HEPH: variants seen among roughly 807,000 people sequenced by gnomAD.
The protein encoded by HEPH is hephaestin.
A neutral mutation model predicts 80.8 loss-of-function variants in HEPH; 69 were observed. The observed-to-expected ratio is 0.85, with a 90% CI of 0.70 to 1.04. The LOEUF (loss-of-function observed/expected upper bound fraction) is 1.04. HEPH is among the 50% of genes least tolerant of loss of function. The probability of loss-of-function intolerance (pLI) is 0.00; values close to 1 mark genes in which losing one functional copy is unlikely to be tolerated. For synonymous variants in HEPH, 431 were observed against 322.8 expected (o/e 1.34, Z -3.60); for missense variants, 1,115 against 891.3 (o/e 1.25, Z -3.20).
chrX:66,257,462 G>A (rs977815627), intron 17 of HEPH, among the ~76,000 whole-genome samples: 2 of 112,022 alleles, frequency 1.8e-5, no homozygotes, highest in African/African-American at 6.5e-5. Context: ...AACCAACTGA[G>A]AAAGAGAGAT....
At chrX:66,265,738 G>A (rs1428180517) in intron 20 of HEPH, among the ~76,000 whole-genome samples, 2 of 111,800 alleles carry the variant, frequency 1.8e-5, no homozygotes, top group Non-Finnish European at 3.8e-5. Context: ...AGCCTGAAAG[G>A]GGATCACTTT....
At chrX:66,214,485 C>T (rs2089296182) in intron 15 of HEPH, among the ~76,000 whole-genome samples, 1 of 111,430 alleles carries the variant, frequency 9.0e-6, no homozygotes, top group Non-Finnish European at 1.9e-5. Flanking sequence ...ATTTGTTGAA[C>T]AGAAATCCTT....
intron 14 of HEPH, 142 bp downstream of exon 14, chrX:66,207,476 C>G (rs186940056): frequency 2.3e-6 from 1 of 428,038 alleles, no homozygotes; most frequent in Non-Finnish European, 3.6e-6. Context: ...TTTTATGAAA[C>G]AACCATGACA....
chrX:66,203,280 G>A, intron 12 of HEPH, 84 bp from the exon 13 acceptor site: 1 of 792,720 alleles, frequency 1.3e-6, no homozygotes, highest in East Asian at 3.2e-5. Context: ...CTTTTCTGCA[G>A]TATGCCTAGG....
chrX:66,195,704 G>A (rs1410329177), intron 9 of HEPH, among the ~76,000 whole-genome samples: 1 of 110,592 alleles, frequency 9.0e-6, no homozygotes, highest in African/African-American at 3.3e-5. Flanking sequence ...TTTATCTCAA[G>A]GATTTGTCGA....
At chrX:66,265,272 T>G (rs181805326) in intron 20 of HEPH, among the ~76,000 whole-genome samples, 1 of 110,907 alleles carries the variant, frequency 9.0e-6, no homozygotes, top group East Asian at 2.8e-4. Flanking sequence ...AAGTAAGACA[T>G]AGCCGCTATT....
chrX:66,236,079 C>T (rs1403398913), intron 15 of HEPH, among the ~76,000 whole-genome samples: 1 of 111,659 alleles, frequency 9.0e-6, no homozygotes, highest in Non-Finnish European at 1.9e-5. Context: ...TTCCTCTCTT[C>T]CTATTCATAT....
At chrX:66,248,277 A>AT (rs1259579626) in intron 15 of HEPH, among the ~76,000 whole-genome samples, 2 of 112,099 alleles carry the variant, frequency 1.8e-5, no homozygotes, top group Non-Finnish European at 3.8e-5. Context: ...GAAATAAACC[A>AT]TTTTTAAGTT....
rs551919836 is a variant in HEPH, at chrX:66,240,036, T to C, written c.2564-14999T>C. Among the ~76,000 whole-genome samples, 12 of 111,938 alleles carry C rather than the reference T, an allele frequency of 1.1e-4. 1 individual carries two copies. Among genetic ancestry groups the C allele is most frequent in the African/African-American group, 3.2e-4 (10 of 30,894 alleles). ...AACAAACCAGATTCTGATAATGATA[T>C]AGATGTTGGAAATGCCTGAAAGGGA... On this transcript the variant is annotated intron_variant, in intron 15 of 20. Coordinates refer to ENST00000343002, the MANE Select transcript of HEPH (RefSeq NM_001367233.3).
intron 12 of HEPH, among the ~76,000 whole-genome samples, chrX:66,202,927 A>T (rs1049175989): frequency 9.8e-6 from 1 of 101,985 alleles, no homozygotes; most frequent in East Asian, 2.9e-4. Context: ...ATATATATAT[A>T]TATATATATA....
intron 20 of HEPH, among the ~76,000 whole-genome samples, chrX:66,265,766 T>C (rs976431587): frequency 9.0e-6 from 1 of 111,533 alleles, no homozygotes; most frequent in Admixed American, 9.5e-5. Flanking sequence ...GAGGAAAGAA[T>C]GTGTTGCTAT....
intron 16 of HEPH, 24 bp downstream of exon 16, chrX:66,255,165 G>A: frequency 9.2e-7 from 1 of 1,082,331 alleles, no homozygotes; most frequent in East Asian, 3.0e-5. Context: ...TGGCTACCTG[G>A]AGGTGGGTCA....
intron 6 of HEPH, among the ~76,000 whole-genome samples, chrX:66,191,765 A>C (rs1474443012): frequency 8.9e-6 from 1 of 111,906 alleles, no homozygotes; most frequent in Non-Finnish European, 1.9e-5. Context: ...AGGGAAGCTC[A>C]GATTGAGGAA....
At chrX:66,239,821 C>T (rs769880791) in intron 15 of HEPH, among the ~76,000 whole-genome samples, 1 of 112,140 alleles carries the variant, frequency 8.9e-6, no homozygotes, top group South Asian at 3.7e-4. Context: ...TCTACCATAA[C>T]AATCAAGATA....
At chrX:66,234,630 T>C (rs1381666442) in intron 15 of HEPH, among the ~76,000 whole-genome samples, 1 of 105,455 alleles carries the variant, frequency 9.5e-6, no homozygotes, top group Non-Finnish European at 2.0e-5. Flanking sequence ...AGATGTTATC[T>C]CATGTGGTTT....
intron 11 of HEPH, among the ~76,000 whole-genome samples, chrX:66,199,825 A>T (rs1339913472): frequency 1.8e-5 from 2 of 112,164 alleles, no homozygotes; most frequent in East Asian, 2.8e-4. Context: ...AGGGAAGTTT[A>T]TTCCAGAAAG....
At chrX:66,167,022 CTTAA>C (rs2086399451) in intron 1 of HEPH, among the ~76,000 whole-genome samples, 1 of 111,930 alleles carries the variant, frequency 8.9e-6, no homozygotes. Context: ...ACTTACAGAT[CTTAA>C]TTAAGTTAAT....
chrX:66,191,078 G>T (rs1432315693), intron 6 of HEPH, among the ~76,000 whole-genome samples: 1 of 111,663 alleles, frequency 9.0e-6, no homozygotes, highest in Non-Finnish European at 1.9e-5. Flanking sequence ...GGATCTTAGA[G>T]AATAGGGGGA....
At chrX:66,259,954 G>A in intron 18 of HEPH, 146 bp from the exon 19 acceptor site, 2 of 409,499 alleles carry the variant, frequency 4.9e-6, no homozygotes, top group Non-Finnish European at 8.6e-6. Flanking sequence ...TCTTGGTAAA[G>A]TGGACTTTTA....
Sources: gnomAD v4.1 joint callset for allele counts (sites outside exome capture counted in the v4.1 genomes callset) on GRCh38, gnomAD v4.1.1 for gene constraint, MANE v1.5 for transcripts, NCBI Gene and HGNC (gene_info 2026-07-23, HGNC 2026-07-21) for gene names.